Variants in THOC5 observed in about 807,000 individuals in gnomAD.
The protein encoded by THOC5 is Fms-interacting protein.
A neutral mutation model predicts 92.9 loss-of-function variants in THOC5; 43 were observed. The ratio of observed to expected loss-of-function variants is 0.46; its 90% CI spans 0.36 to 0.60. The LOEUF (loss-of-function observed/expected upper bound fraction) is 0.60. Ranked by LOEUF, THOC5 falls within the 20% of genes least tolerant of loss-of-function variation. THOC5 has a pLI of 0.00. For synonymous variants in THOC5, 296 were observed against 320.1 expected, an observed-to-expected ratio of 0.92 and a Z score of 0.80; for missense variants, 659 against 849.4, an observed-to-expected ratio of 0.78 and a Z score of 2.79.
At chr22:29,528,005 G>T in intron 11 of THOC5, 73 bp downstream of exon 11, 2 of 1,458,494 alleles carry the variant, frequency 1.4e-6, no homozygotes, top group South Asian at 1.2e-5. Flanking sequence ...TTGGCTCCCG[G>T]ACCCTCTGCA....
chr22:29,517,467 G>A (rs999738393), intron 15 of THOC5, 101 bp from the exon 16 acceptor site: 14 of 995,652 alleles, frequency 1.4e-5, no homozygotes, highest in Admixed American at 8.5e-5. Context: ...CAGATGGCCC[G>A]GCCAGCTATC....
intron 2 of THOC5, among the ~76,000 whole-genome samples, chr22:29,545,955 C>T (rs1035094951): frequency 6.6e-6 from 1 of 152,262 alleles, no homozygotes; most frequent in Non-Finnish European, 1.5e-5. Flanking sequence ...CAGGGGTTCT[C>T]CATGAGCGCG....
chr22:29,546,098 T>C (rs369136990), intron 2 of THOC5, among the ~76,000 whole-genome samples: 2 of 152,238 alleles, frequency 1.3e-5, no homozygotes, highest in East Asian at 1.9e-4. Context: ...CTGCCAAAGC[T>C]TGGGGCTTCC....
At chr22:29,534,206 T>C (rs5763305) in intron 7 of THOC5, among the ~76,000 whole-genome samples, 21,385 of 152,142 alleles carry the variant, frequency 0.14, 1,959 homozygotes, top group East Asian at 0.42. Flanking sequence ...TCTCTTTGTA[T>C]AGAGTTCAAA....
At chr22:29,537,826 G>A (rs2063790774) in intron 6 of THOC5, among the ~76,000 whole-genome samples, 1 of 151,546 alleles carries the variant, frequency 6.6e-6, no homozygotes, top group Admixed American at 6.6e-5. Context: ...GGGAGGTGGA[G>A]GTTGCAGCAA....
At chr22:29,549,299 C>A (rs978172905) in intron 1 of THOC5, 141 bp from the exon 2 acceptor site, 1 of 671,734 alleles carries the variant, frequency 1.5e-6, no homozygotes, top group South Asian at 1.9e-5. Context: ...CTCTGTAATA[C>A]AACAGGGAAG....
At chr22:29,520,305 C>T (rs2063416165) in intron 13 of THOC5, among the ~76,000 whole-genome samples, 1 of 152,108 alleles carries the variant, frequency 6.6e-6, no homozygotes, top group Non-Finnish European at 1.5e-5. Context: ...ATTCACTTTC[C>T]TCTTTTTCCT....
At chr22:29,524,830 C>T (rs2188120) in intron 12 of THOC5, among the ~76,000 whole-genome samples, 21 of 152,090 alleles carry the variant, frequency 1.4e-4, no homozygotes, top group African/African-American at 5.1e-4. Context: ...CCCTGCTCTA[C>T]CAGGCACCAG....
intron 2 of THOC5, among the ~76,000 whole-genome samples, chr22:29,547,165 G>C (rs2064040017): frequency 6.6e-6 from 1 of 151,924 alleles, no homozygotes; most frequent in African/African-American, 2.4e-5. Context: ...TGAATGGTTT[G>C]CTACTTAGAA....
intron 5 of THOC5, among the ~76,000 whole-genome samples, chr22:29,541,800 G>A (rs1228413184): frequency 7.3e-6 from 1 of 136,254 alleles, no homozygotes; most frequent in African/African-American, 2.7e-5. Flanking sequence ...GGCGGAGCTT[G>A]CAGTGAGCCG....
At chr22:29,525,201 AG>A (rs1359544509) in intron 12 of THOC5, among the ~76,000 whole-genome samples, 10 of 152,208 alleles carry the variant, frequency 6.6e-5, no homozygotes, top group African/African-American at 2.4e-4. Context: ...ACTACAGCCC[AG>A]AAGTTTGAGG....
rs1251294874 is a variant in THOC5, at chr22:29,512,616, TAG to T, written c.1682-482_1682-481del. Among the ~76,000 whole-genome samples the T allele has an allele frequency of 4.6e-5, 7 of 152,358 alleles. No homozygotes were observed. In the South Asian group the frequency reaches 1.0e-3, roughly 23 times the overall value. Reference sequence around the variant, plus strand: ...AAAATTCTGTATACTAGCCAACATGTAGAGAGTCCTTACTGTATCCCAGGCAC... The same window carrying T: ...AAAATTCTGTATACTAGCCAACATGTAGAGTCCTTACTGTATCCCAGGCAC... On this transcript the variant is annotated intron_variant, in intron 17 of 19. Transcript: ENST00000490103.
At chr22:29,512,967 G>T (rs1194737528) in intron 17 of THOC5, among the ~76,000 whole-genome samples, 1 of 152,142 alleles carries the variant, frequency 6.6e-6, no homozygotes, top group Non-Finnish European at 1.5e-5. Flanking sequence ...TATTTTTAGG[G>T]GGGAGACTTT....
At chr22:29,510,663 T>A (rs886360414) in intron 19 of THOC5, among the ~76,000 whole-genome samples, 1 of 152,088 alleles carries the variant, frequency 6.6e-6, no homozygotes, top group Admixed American at 6.6e-5. Context: ...TAAGCAGAAC[T>A]GACTCTTCTA....
chr22:29,552,112 AGTGGC>A (rs2146582419), intron 1 of THOC5, among the ~76,000 whole-genome samples: 1 of 152,198 alleles, frequency 6.6e-6, no homozygotes, highest in Admixed American at 6.5e-5. Context: ...GCTGGAGTGC[AGTGGC>A]GTGATCTCGG....
At chr22:29,517,890 G>C (rs539584161) in intron 15 of THOC5, among the ~76,000 whole-genome samples, 1 of 152,332 alleles carries the variant, frequency 6.6e-6, no homozygotes, top group African/African-American at 2.4e-5. Context: ...AAACTCAGCA[G>C]TGCTGATGGG....
rs1241231276 is a variant in THOC5 at position 29,544,266 on chromosome 22, T to C, written c.240+194A>G. 2.6e-5 allele frequency among the ~76,000 whole-genome samples: 4 copies of C among 152,344 alleles called. 1 individual carries two copies. Among genetic ancestry groups the C allele is most frequent in the Admixed American group, 2.6e-4 (4 of 15,292 alleles). ...GGAAAAAATTAATTATCCTGTACTT[T>C]CATTCCTGTAATTGGTGACTGAATG... On this transcript the variant is annotated intron_variant, in intron 3 of 19. Coordinates refer to ENST00000490103, the MANE Select transcript of THOC5 (RefSeq NM_003678.5).
intron 19 of THOC5, among the ~76,000 whole-genome samples, chr22:29,510,616 A>G (rs1180895443): frequency 6.6e-6 from 1 of 152,080 alleles, no homozygotes; most frequent in African/African-American, 2.4e-5. Context: ...AAAGAAAAGG[A>G]AACAAACAAA....
chr22:29,543,347 C>CAAAAAAAA lies in THOC5; in HGVS notation c.354+74_354+81dup, dbSNP rs59948387. Reference sequence around the variant, plus strand: ...TGGGGGACAGAACGAGACTCTGTCTCAAAAAAAAAAAAAAAAAAAAAAAAA... The same window carrying CAAAAAAAA: ...TGGGGGACAGAACGAGACTCTGTCTCAAAAAAAAAAAAAAAAAAAAAAAAAAAAAAAAA... On this transcript the variant is annotated intron_variant, in intron 4 of 19. Coordinates refer to ENST00000490103, the MANE Select transcript of THOC5 (RefSeq NM_003678.5). 1.2e-4 allele frequency: 56 copies of CAAAAAAAA among 466,222 alleles called. No individual in the cohort carries two copies. In the African/African-American group the frequency reaches 1.5e-3, roughly 13 times the overall value. The allele number at this position is 466,222 out of a possible 1,614,324, so 28.9% of individuals were successfully genotyped here.
Sources: allele counts gnomAD v4.1 joint callset (sites outside exome capture counted in the v4.1 genomes callset), GRCh38; gene constraint gnomAD v4.1.1; transcripts MANE v1.5; gene names NCBI Gene and HGNC (gene_info 2026-07-23, HGNC 2026-07-21).